Variants in CDK14 observed in about 807,000 individuals in gnomAD.
The protein encoded by CDK14 is cyclin-dependent kinase 14.
Under a neutral mutation model 60.7 loss-of-function variants are expected in CDK14, and 34 were observed. The observed-to-expected ratio is 0.56, with a 90% CI of 0.43 to 0.75. CDK14 has a LOEUF of 0.75. CDK14 is among the 30% of genes least tolerant of loss of function. The pLI is 0.00. For synonymous variants in CDK14, 197 were observed against 203.7 expected (o/e 0.97, Z 0.28); for missense variants, 482 against 564.1 (o/e 0.85, Z 1.47).
intron 2 of CDK14, among the ~76,000 whole-genome samples, chr7:90,665,355 G>T (rs1424090981): frequency 6.6e-6 from 1 of 152,110 alleles, no homozygotes; most frequent in South Asian, 2.1e-4. Context: ...TAGTTATTTT[G>T]CCCTCTATGG....
At chr7:90,781,523 T>A (rs1805319729) in intron 4 of CDK14, among the ~76,000 whole-genome samples, 1 of 148,806 alleles carries the variant, frequency 6.7e-6, no homozygotes, top group Non-Finnish European at 1.5e-5. Context: ...ATGCCTAGGT[T>A]TTCTTCTAGG....
intron 3 of CDK14, among the ~76,000 whole-genome samples, chr7:90,735,119 G>A (rs187249251): frequency 7.2e-4 from 110 of 152,276 alleles, no homozygotes; most frequent in African/African-American, 2.6e-3. Flanking sequence ...GACCCTGTTT[G>A]CCTGGGTATC....
intron 5 of CDK14, among the ~76,000 whole-genome samples, chr7:90,807,521 C>T (rs1230090839): frequency 6.6e-6 from 1 of 152,284 alleles, no homozygotes; most frequent in East Asian, 1.9e-4. Context: ...GGGGAAAAAA[C>T]AGAGCAGAAA....
intron 2 of CDK14, among the ~76,000 whole-genome samples, chr7:90,667,384 A>G (rs1801003799): frequency 6.6e-6 from 1 of 152,188 alleles, no homozygotes; most frequent in African/African-American, 2.4e-5. Context: ...CACTAATTCC[A>G]GAACATTTTT....
chr7:90,848,149 T>C (rs894149023), intron 5 of CDK14, among the ~76,000 whole-genome samples: 1 of 152,182 alleles, frequency 6.6e-6, no homozygotes, highest in Non-Finnish European at 1.5e-5. Flanking sequence ...TCGCCCAGGC[T>C]GAAGTGCGGT....
chr7:90,815,184 A>G (rs1176834985), intron 5 of CDK14, among the ~76,000 whole-genome samples: 1 of 152,226 alleles, frequency 6.6e-6, no homozygotes, highest in Admixed American at 6.5e-5. Flanking sequence ...TGTGGTGTGA[A>G]CCAAGCACTG....
At chr7:91,050,190 T>C (rs1189639203) in intron 11 of CDK14, among the ~76,000 whole-genome samples, 1 of 152,154 alleles carries the variant, frequency 6.6e-6, no homozygotes, top group Non-Finnish European at 1.5e-5. Context: ...TAGAAAGCTC[T>C]AGAAGATTTT....
chr7:91,044,133 A>G (rs1280079105), intron 10 of CDK14, among the ~76,000 whole-genome samples: 2 of 151,958 alleles, frequency 1.3e-5, no homozygotes, highest in Non-Finnish European at 2.9e-5. Flanking sequence ...CATGTGCCCA[A>G]GGTTGTCAGG....
chr7:90,713,030 A>C (rs1219059546), intron 2 of CDK14, among the ~76,000 whole-genome samples: 2 of 152,100 alleles, frequency 1.3e-5, no homozygotes, highest in Non-Finnish European at 2.9e-5. Context: ...TTTTCAGTGG[A>C]AACAACCAGA....
intron 4 of CDK14, among the ~76,000 whole-genome samples, chr7:90,764,654 CG>C (rs1417180380): frequency 1.4e-4 from 22 of 152,054 alleles, no homozygotes; most frequent in Non-Finnish European, 2.8e-4. Flanking sequence ...AGATTTCAGG[CG>C]TAAGACTTTT....
At chr7:91,112,374 A>T (rs555011786) in intron 12 of CDK14, among the ~76,000 whole-genome samples, 168 bp from the exon 13 acceptor site, 2 of 152,320 alleles carry the variant, frequency 1.3e-5, no homozygotes, top group East Asian at 3.9e-4. Flanking sequence ...GTTTGAAGTA[A>T]CAAATACTCT....
At position 90,672,450 on chromosome 7, in the gene CDK14, C is replaced by T. The variant is rs543944064; in HGVS notation, c.124-54117C>T. ...TTCATCTCTGGCTTCTTTTACTTAG[C>T]ATAATATTTACAAAGTTTATTCATG... On this transcript the variant is annotated intron_variant, in intron 2 of 14. Transcript: ENST00000380050. 2.7e-3 allele frequency among the ~76,000 whole-genome samples: 393 copies of T among 143,374 alleles called. 2 individuals carry two copies. Among genetic ancestry groups the T allele is most frequent in the Non-Finnish European group, 4.2e-3 (283 of 66,668 alleles). The allele number at this position is 143,374 out of a possible 152,430, so 94.1% of individuals were successfully genotyped here.
At chr7:90,807,678 A>G (rs2117027407) in intron 5 of CDK14, among the ~76,000 whole-genome samples, 1 of 152,334 alleles carries the variant, frequency 6.6e-6, no homozygotes, top group South Asian at 2.1e-4. Flanking sequence ...GAACTAAAGG[A>G]GGAAGTCCGA....
chr7:90,612,609 C>T (rs1799564913), intron 2 of CDK14, among the ~76,000 whole-genome samples: 1 of 151,458 alleles, frequency 6.6e-6, no homozygotes, highest in African/African-American at 2.4e-5. Context: ...CTGTCTCTAC[C>T]AAAAATATAA....
chr7:90,788,859 C>A (rs1437660516), intron 4 of CDK14, among the ~76,000 whole-genome samples: 2 of 152,102 alleles, frequency 1.3e-5, no homozygotes, highest in Non-Finnish European at 2.9e-5. Flanking sequence ...ATTTAAATTG[C>A]AACAAGAGAC....
chr7:91,085,806 A>G (rs1798623073), intron 12 of CDK14, among the ~76,000 whole-genome samples: 1 of 152,124 alleles, frequency 6.6e-6, no homozygotes, highest in Non-Finnish European at 1.5e-5. Flanking sequence ...TAAGGAAGAA[A>G]TCAGTTTTTA....
intron 10 of CDK14, among the ~76,000 whole-genome samples, chr7:91,017,360 A>C (rs76580777): frequency 6.6e-6 from 1 of 152,220 alleles, no homozygotes; most frequent in Non-Finnish European, 1.5e-5. Flanking sequence ...GTGGTTTCTT[A>C]CAGGGCTCAG....
chr7:90,763,638 G>A (rs766650109), intron 4 of CDK14, among the ~76,000 whole-genome samples: 6 of 150,840 alleles, frequency 4.0e-5, no homozygotes, highest in Non-Finnish European at 5.9e-5. Context: ...ACACAGGGTG[G>A]GGAACATCAC....
intron 14 of CDK14, among the ~76,000 whole-genome samples, chr7:91,173,835 A>G (rs1157891194): frequency 6.6e-6 from 1 of 152,152 alleles, no homozygotes; most frequent in African/African-American, 2.4e-5. Flanking sequence ...GATTGCTAGC[A>G]CAGCAGTCTG....
Sources: allele counts gnomAD v4.1 joint callset (sites outside exome capture counted in the v4.1 genomes callset), GRCh38; gene constraint gnomAD v4.1.1; transcripts MANE v1.5; gene names NCBI Gene and HGNC (gene_info 2026-07-23, HGNC 2026-07-21).